Variants in TMEM163 observed in about 807,000 individuals in gnomAD.
TMEM163 encodes transmembrane protein 163.
TMEM163 carries 17 observed loss-of-function variants against 29.3 expected under a neutral mutation model. The observed-to-expected ratio is 0.58, with a 90% CI of 0.40 to 0.87. The LOEUF (loss-of-function observed/expected upper bound fraction) is 0.87, where lower values mean the gene tolerates loss of function less well. TMEM163 is among the 40% of genes least tolerant of loss of function. The pLI, the probability that TMEM163 is intolerant of heterozygous loss-of-function variation, is 0.00. For missense variants in TMEM163, 303 were observed against 381.5 expected (o/e 0.79, Z 1.71); for synonymous variants, 157 against 160.6 (o/e 0.98, Z 0.17).
chr2:134,637,481 A>G (rs1350962919), intron 2 of TMEM163, among the ~76,000 whole-genome samples: 1 of 152,284 alleles, frequency 6.6e-6, no homozygotes, highest in East Asian at 1.9e-4. Context: ...GAAAAAATGA[A>G]TGAATCAATA....
At chr2:134,665,686 C>A (rs1045035792) in intron 2 of TMEM163, among the ~76,000 whole-genome samples, 1 of 152,182 alleles carries the variant, frequency 6.6e-6, no homozygotes, top group Non-Finnish European at 1.5e-5. Flanking sequence ...AGTGGGAAAG[C>A]ACACAGCAGA....
At chr2:134,634,985 A>C (rs1193700454) in intron 2 of TMEM163, among the ~76,000 whole-genome samples, 2 of 152,250 alleles carry the variant, frequency 1.3e-5, no homozygotes, top group Non-Finnish European at 2.9e-5. Flanking sequence ...ATTTTAAAGA[A>C]TCTCAGCCAG....
chr2:134,523,362 A>G (rs1024115706), intron 4 of TMEM163, among the ~76,000 whole-genome samples: 1 of 152,208 alleles, frequency 6.6e-6, no homozygotes, highest in African/African-American at 2.4e-5. Context: ...TCACATGCCA[A>G]AAACTTCATG....
intron 5 of TMEM163, among the ~76,000 whole-genome samples, chr2:134,499,090 C>A (rs1679645697): frequency 6.6e-6 from 1 of 152,136 alleles, no homozygotes; most frequent in South Asian, 2.1e-4. Flanking sequence ...CAAGATACTT[C>A]TTTTAAAACA....
intron 2 of TMEM163, among the ~76,000 whole-genome samples, chr2:134,612,987 T>A (rs1235758999): frequency 6.6e-6 from 1 of 152,102 alleles, no homozygotes; most frequent in Non-Finnish European, 1.5e-5. Flanking sequence ...TATAAATGTG[T>A]CAAAGAACTA....
chr2:134,656,620 C>T (rs1262705519), intron 2 of TMEM163, among the ~76,000 whole-genome samples: 1 of 152,218 alleles, frequency 6.6e-6, no homozygotes, highest in African/African-American at 2.4e-5. Flanking sequence ...GCAAGGTCAT[C>T]GAATGCTATG....
chr2:134,502,855 G>A (rs751769141), intron 5 of TMEM163, 46 bp downstream of exon 5: 4 of 1,567,364 alleles, frequency 2.6e-6, no homozygotes, highest in Non-Finnish European at 3.5e-6. Flanking sequence ...AGCCCAGGGG[G>A]CCAGCGCTGG....
intron 2 of TMEM163, among the ~76,000 whole-genome samples, chr2:134,702,823 G>A (rs1396742196): frequency 2.6e-5 from 4 of 152,056 alleles, no homozygotes; most frequent in African/African-American, 9.7e-5. Context: ...TTCCCAGGAA[G>A]TAGAACAAAA....
chr2:134,554,422 CAAAAAAAAAAAA>C (rs941286100), intron 2 of TMEM163, among the ~76,000 whole-genome samples: 461 of 21,146 alleles, frequency 0.022, 8 homozygotes, highest in South Asian at 0.17. Context: ...GACCCCATCT[CAAAAAAAAAAAA>C]AAAAAAAAAA....
At position 134,516,694 on chromosome 2, in the gene TMEM163, TGC is replaced by T. The variant is rs1412812424; in HGVS notation, c.459-13699_459-13698del. Among the ~76,000 whole-genome samples the T allele has an allele frequency of 6.2e-4, 80 of 129,774 alleles. 1 individual carries two copies. The highest frequency in any genetic ancestry group is 8.6e-3 in the Middle Eastern group (2 of 232). The allele number at this position is 129,774 out of a possible 152,430, so 85.1% of individuals were successfully genotyped here. A position where few individuals can be genotyped will look rare whatever the true frequency, so the allele number is the denominator to read the frequency against. On this transcript the variant is annotated intron_variant, in intron 4 of 7. Transcript: ENST00000281924. ...ATAGTCATACATATATGCATATATATGCATATATTCATATATACATATATATT... is the reference window on the plus strand; with the variant it reads ...ATAGTCATACATATATGCATATATATATATATTCATATATACATATATATT...
chr2:134,595,327 A>G (rs903571478), intron 2 of TMEM163, among the ~76,000 whole-genome samples: 4 of 151,374 alleles, frequency 2.6e-5, no homozygotes, highest in African/African-American at 9.7e-5. Flanking sequence ...AAGTGTTCTC[A>G]TTGTTCAATT....
intron 2 of TMEM163, among the ~76,000 whole-genome samples, chr2:134,666,649 C>T (rs995599292): frequency 6.6e-6 from 1 of 152,152 alleles, no homozygotes; most frequent in Admixed American, 6.5e-5. Flanking sequence ...AGAGTGTAGA[C>T]TTTCACTTAA....
At chr2:134,496,318 T>C (rs1679559761) in intron 5 of TMEM163, among the ~76,000 whole-genome samples, 1 of 152,146 alleles carries the variant, frequency 6.6e-6, no homozygotes, top group Non-Finnish European at 1.5e-5. Flanking sequence ...CGCCTCGGCC[T>C]CCCAAAGTGC....
At chr2:134,579,936 C>T (rs181805305) in intron 2 of TMEM163, among the ~76,000 whole-genome samples, 6 of 152,204 alleles carry the variant, frequency 3.9e-5, no homozygotes, top group Admixed American at 1.3e-4. Context: ...TCACATGATA[C>T]CAGACTGAGA....
intron 4 of TMEM163, among the ~76,000 whole-genome samples, chr2:134,527,939 C>A (rs942416280): frequency 6.6e-6 from 1 of 152,136 alleles, no homozygotes; most frequent in African/African-American, 2.4e-5. Flanking sequence ...AGGTTAACTA[C>A]AACCCAAGAA....
At chr2:134,524,873 G>A (rs951462920) in intron 4 of TMEM163, among the ~76,000 whole-genome samples, 13 of 150,020 alleles carry the variant, frequency 8.7e-5, no homozygotes, top group Non-Finnish European at 4.4e-5. Flanking sequence ...CTATTTCTTT[G>A]GGTATATACC....
chr2:134,618,777 G>A (rs546198388), intron 2 of TMEM163, among the ~76,000 whole-genome samples: 1 of 152,128 alleles, frequency 6.6e-6, no homozygotes, highest in Admixed American at 6.5e-5. Context: ...CTCACAGATT[G>A]AAGAAGAAAA....
At chr2:134,524,836 G>A (rs1311799299) in intron 4 of TMEM163, among the ~76,000 whole-genome samples, 2 of 150,356 alleles carry the variant, frequency 1.3e-5, no homozygotes, top group East Asian at 4.0e-4. Context: ...ACATATACAT[G>A]CATGTATGTT....
At chr2:134,532,724 C>G (rs1028603440) in intron 4 of TMEM163, among the ~76,000 whole-genome samples, 16 of 152,158 alleles carry the variant, frequency 1.1e-4, no homozygotes, top group African/African-American at 3.9e-4. Context: ...GCAGCTGTGC[C>G]CACACAGTGA....
Sources: allele counts gnomAD v4.1 joint callset (sites outside exome capture counted in the v4.1 genomes callset), GRCh38; gene constraint gnomAD v4.1.1; transcripts MANE v1.5; gene names NCBI Gene and HGNC (gene_info 2026-07-23, HGNC 2026-07-21).